The following TOP3B variants were observed in gnomAD, a reference collection of about 807,000 sequenced individuals.
TOP3B encodes the protein DNA topoisomerase III beta.
Under a neutral mutation model 93.9 loss-of-function variants are expected in TOP3B, and 45 were observed. The observed-to-expected ratio is 0.48, with a 90% CI of 0.38 to 0.61. TOP3B has a LOEUF of 0.61. Among genes scored for constraint, TOP3B ranks in the 20% least tolerant of loss-of-function variants. The probability of loss-of-function intolerance (pLI) is 0.00; values close to 1 mark genes in which losing one functional copy is unlikely to be tolerated. For missense variants in TOP3B, 750 were observed against 1,156.1 expected, an observed-to-expected ratio of 0.65 and a Z score of 5.09; for synonymous variants, 357 against 472.6, an observed-to-expected ratio of 0.76 and a Z score of 3.17.
chr22:21,962,647 C>G (rs550086234), intron 12 of TOP3B, 45 bp from the exon 13 acceptor site: 1 of 1,605,564 alleles, frequency 6.2e-7, no homozygotes, highest in Non-Finnish European at 8.5e-7. Context: ...GCCTGGGTGG[C>G]CGGGGCCTCA....
intron 14 of TOP3B, 117 bp from the exon 15 acceptor site, chr22:21,959,853 G>A (rs753842816): frequency 2.8e-6 from 4 of 1,403,908 alleles, no homozygotes; most frequent in Non-Finnish European, 3.8e-6. Context: ...CGTCCTCCTG[G>A]CCTCTGCCCT....
chr22:21,968,864 G>A, intron 6 of TOP3B, 89 bp from the exon 7 acceptor site: 1 of 1,447,506 alleles, frequency 6.9e-7, no homozygotes. Context: ...GGCCAGGGGT[G>A]GTGCATGAAG....
intron 12 of TOP3B, 68 bp from the exon 13 acceptor site, chr22:21,962,670 C>T (rs1377313050): frequency 4.4e-6 from 7 of 1,606,358 alleles, no homozygotes; most frequent in Non-Finnish European, 6.0e-6. Flanking sequence ...CCCTGGGCCT[C>T]CCATCCCCAG....
intron 17 of TOP3B, 122 bp downstream of exon 17, chr22:21,958,370 C>A: frequency 1.3e-6 from 2 of 1,547,008 alleles, no homozygotes; most frequent in Non-Finnish European, 1.7e-6. Flanking sequence ...GTCTCAGTGC[C>A]AATGAGTGCA....
chr22:21,979,453 C>T (rs931684644), intron 1 of TOP3B, among the ~76,000 whole-genome samples: 1 of 151,996 alleles, frequency 6.6e-6, no homozygotes, highest in Non-Finnish European at 1.5e-5. Context: ...CAGTGGTGGG[C>T]CCTGACAAGA....
chr22:21,964,070 G>A, intron 10 of TOP3B, 42 bp from the exon 11 acceptor site: 2 of 1,601,306 alleles, frequency 1.2e-6, no homozygotes, highest in Non-Finnish European at 8.5e-7. Context: ...GCTGGGCTCG[G>A]CTGCCTGCCT....
At chr22:21,959,376 C>G (rs1307806085) in intron 15 of TOP3B, 144 bp from the exon 16 acceptor site, 11 of 1,489,536 alleles carry the variant, frequency 7.4e-6, no homozygotes, top group Non-Finnish European at 8.9e-6. Flanking sequence ...GGCAGCAGCC[C>G]TGTGCGTCAG....
Position 21,970,474 on chromosome 22 carries a change from T to C in TOP3B, c.385-68A>G, listed in dbSNP as rs2071593663. ...CCTGCCACAGCTCCCCACCCCACTG[T>C]GAAGCCTGGTTCCTTCCAGGAAAGA... On this transcript the variant is annotated intron_variant, in intron 5 of 17. Coordinates refer to ENST00000357179, the MANE Select transcript of TOP3B (RefSeq NM_001282112.2). This position sits in a 1 kb window ranked among gnomAD's most constrained non-coding sequence, Gnocchi z 4.4. The C allele has an allele frequency of 1.3e-6, 2 of 1,536,188 alleles. No individual in the cohort carries two copies. The highest frequency in any genetic ancestry group is 1.8e-5 in the Admixed American group (1 of 55,428).
intron 8 of TOP3B, chr22:21,967,381 G>C: frequency 1.8e-6 from 1 of 548,266 alleles, no homozygotes; most frequent in Non-Finnish European, 3.3e-6. Flanking sequence ...GACAGTGCCT[G>C]GTATGGAGCG....
At chr22:21,962,312 GC>G in intron 13 of TOP3B, 116 bp downstream of exon 13, 1 of 1,597,414 alleles carries the variant, frequency 6.3e-7, no homozygotes, top group East Asian at 2.2e-5. Context: ...CCAGATACCA[GC>G]CCATGGAGGG....
chr22:21,974,133 A>G, intron 3 of TOP3B: 1 of 458,864 alleles, frequency 2.2e-6, no homozygotes, highest in South Asian at 2.6e-5. Context: ...GAATGCAGCG[A>G]CTAAGGGGTG....
In TOP3B at chr22:21,970,109, C is replaced by T; in HGVS notation, c.581+101G>A. ...TGAAATCCCCTGTTGCTCATCCTGG[C>T]TCGAGGAGGCCTAGGGGCCCCGGAG... is the stretch of plus-strand genomic sequence containing the variant. On this transcript the variant is annotated intron_variant, in intron 6 of 17. Coordinates refer to ENST00000357179, the MANE Select transcript of TOP3B (RefSeq NM_001282112.2). This position sits in a 1 kb window ranked among gnomAD's most constrained non-coding sequence, Gnocchi z 4.4. 7.3e-7 allele frequency: 1 copy of T among 1,368,430 alleles called. No homozygotes were observed. Among genetic ancestry groups the T allele is most frequent in the South Asian group, 1.3e-5 (1 of 75,264 alleles). The allele number at this position is 1,368,430 out of a possible 1,614,324, so 84.8% of individuals were successfully genotyped here.
In TOP3B at chr22:21,967,623, T is replaced by C. The variant is rs1309633506; in HGVS notation, c.832A>G (p.Lys278Glu). ...CACACCTGGGCTTCCTTCTCCAGCT[T>C]TGTCATGTTTAAAAACATCTGTGCG... ...EIAQMFLNMT[K>E]LEKEAQVEAT... The change falls in exon 8 of 18, where the codon AAG (lysine) becomes GAG (glutamate). Residue 278 changes from lysine to glutamate, a missense_variant. Lys to Glu is a moderately conservative substitution (Grantham distance 56). Coordinates refer to ENST00000357179, the MANE Select transcript of TOP3B (RefSeq NM_001282112.2). 2 of 1,614,102 alleles carry C rather than the reference T, an allele frequency of 1.2e-6. No individual in the cohort carries two copies. Among genetic ancestry groups the C allele is most frequent in the South Asian group, 1.1e-5 (1 of 91,082 alleles).
In TOP3B at chr22:21,972,639, G is replaced by C. The variant is rs1378480360; in HGVS notation, c.282C>G (p.Pro94=). Reference sequence around the variant, plus strand: ...GCAGGAACTTCACCATGTTCAGCTTGGGGTTAGCTTCTTTCTTCTCCGTGG... The same window carrying C: ...GCAGGAACTTCACCATGTTCAGCTTCGGGTTAGCTTCTTTCTTCTCCGTGG... The part of the protein sequence containing the change: ...QAPTEKKEAN[P]KLNMVKFLQV... The change falls in exon 4 of 18, where the codon CCC becomes CCG. Residue 94 remains proline (P), a synonymous_variant. Coordinates refer to ENST00000357179, the MANE Select transcript of TOP3B (RefSeq NM_001282112.2). 3.7e-6 allele frequency: 6 copies of C among 1,611,246 alleles called. No homozygotes were observed. Among genetic ancestry groups the C allele is most frequent in the Non-Finnish European group, 4.2e-6 (5 of 1,179,274 alleles).
chr22:21,976,242 T>A (rs1460218511), intron 1 of TOP3B: 1 of 152,690 alleles, frequency 6.5e-6, no homozygotes, highest in African/African-American at 2.4e-5. Flanking sequence ...AGCAAAGCAC[T>A]TGGACGCCCC....
intron 15 of TOP3B, 107 bp downstream of exon 15, chr22:21,959,480 C>A: frequency 6.6e-7 from 1 of 1,516,084 alleles, no homozygotes; most frequent in South Asian, 1.3e-5. Context: ...AGGCCTGAAG[C>A]CCAGATCTGG....
intron 1 of TOP3B, among the ~76,000 whole-genome samples, chr22:21,978,129 T>A (rs1301096093): frequency 6.6e-6 from 1 of 151,880 alleles, no homozygotes; most frequent in Non-Finnish European, 1.5e-5. Context: ...CTTCAAGTGT[T>A]AAAGGGACCT....
At chr22:21,960,132 T>G (rs935880428) in intron 14 of TOP3B, 189 bp downstream of exon 14, 20 of 855,246 alleles carry the variant, frequency 2.3e-5, no homozygotes, top group Non-Finnish European at 3.3e-5. Context: ...TCAAACACAC[T>G]GAGCTCCTGC....
rs2071290436 is a variant in TOP3B, at chr22:21,963,661, C to T, written c.1204+262G>A. ...GTGTGCTGCCCCCTCCCCCACACCG[C>T]CACTCTCTACCCTGGTTTCATTCAT... On this transcript the variant is annotated intron_variant, in intron 11 of 17. Transcript: ENST00000357179. The surrounding 1 kb of genome is among the most constrained non-coding windows in gnomAD (Gnocchi z 4.8). 2.0e-6 allele frequency: 1 copy of T among 494,122 alleles called. No homozygotes were observed. The highest frequency in any genetic ancestry group is 3.6e-6 in the Non-Finnish European group (1 of 275,648). The allele number at this position is 494,122 out of a possible 1,614,324, so 30.6% of individuals were successfully genotyped here.
Sources: gnomAD v4.1 joint callset for allele counts (sites outside exome capture counted in the v4.1 genomes callset) on GRCh38, gnomAD v4.1.1 for gene constraint, Gnocchi (gnomAD v3.1) non-coding constraint, MANE v1.5 for transcripts, NCBI Gene and HGNC (gene_info 2026-07-23, HGNC 2026-07-21) for gene names.